TPTE2: variants seen among roughly 807,000 people sequenced by gnomAD.
TPTE2 encodes the protein transmembrane phosphoinositide 3-phosphatase and tensin homolog 2.
Under a neutral mutation model 78.6 loss-of-function variants are expected in TPTE2, and 53 were observed. That is an observed-to-expected ratio of 0.67 (90% CI 0.54 to 0.85). The LOEUF is 0.85. TPTE2 is among the 40% of genes least tolerant of loss of function. The probability of loss-of-function intolerance (pLI) is 0.00; values close to 1 mark genes in which losing one functional copy is unlikely to be tolerated. For synonymous variants in TPTE2, 175 were observed against 206.2 expected (o/e 0.85, Z 1.30); for missense variants, 461 against 623.0 (o/e 0.74, Z 2.77).
At chr13:19,549,629 C>T in the TPTE2 span, among the ~76,000 whole-genome samples, 18,694 of 89,202 alleles carry the variant, frequency 0.21, 3,688 homozygotes, top group Middle Eastern at 0.34. Flanking sequence ...GACTACCATT[C>T]GACCCAGCAA....
At chr13:19,543,603 C>G in the TPTE2 span, among the ~76,000 whole-genome samples, 78 of 143,984 alleles carry the variant, frequency 5.4e-4, no homozygotes, top group Middle Eastern at 4.0e-3. Flanking sequence ...TGATCCACCC[C>G]CCTCAGCCTC....
intron 14 of TPTE2, among the ~76,000 whole-genome samples, chr13:19,437,509 T>G (rs1413452135): frequency 5.9e-5 from 9 of 152,318 alleles, no homozygotes; most frequent in African/African-American, 1.9e-4. Context: ...TTTTCAGTTG[T>G]GAAATGTTGC....
intron 18 of TPTE2, among the ~76,000 whole-genome samples, chr13:19,425,336 T>C (rs1228128229): frequency 6.6e-6 from 1 of 152,234 alleles, no homozygotes; most frequent in African/African-American, 2.4e-5. Flanking sequence ...CCTATGCCTA[T>C]ATATACCCAA....
intron 1 of TPTE2, among the ~76,000 whole-genome samples, chr13:19,512,696 A>G (rs974406902): frequency 6.6e-6 from 1 of 151,944 alleles, no homozygotes; most frequent in Non-Finnish European, 1.5e-5. Flanking sequence ...CTTCTGCCTC[A>G]GCCTCCCGAG....
upstream of TPTE2, chr13:19,505,663 T>C (rs1332514212): frequency 2.0e-5 from 3 of 152,022 alleles, no homozygotes; most frequent in Non-Finnish European, 4.4e-5. Context: ...CCTCACATGG[T>C]GGTAGAACTC....
At chr13:19,439,885 T>A (rs1450326023) in intron 13 of TPTE2, among the ~76,000 whole-genome samples, 1 of 152,200 alleles carries the variant, frequency 6.6e-6, no homozygotes, top group Admixed American at 6.5e-5. Context: ...TCTTTTGAAC[T>A]AATCCAGTCA....
chr13:19,503,898 G>A (rs1295211747), upstream of TPTE2, among the ~76,000 whole-genome samples: 2 of 152,014 alleles, frequency 1.3e-5, no homozygotes, highest in African/African-American at 2.4e-5. Flanking sequence ...CCGCCACCAC[G>A]CCCGGCTAAT....
chr13:19,428,626 A>T (rs1409588808), intron 17 of TPTE2, among the ~76,000 whole-genome samples: 2 of 151,810 alleles, frequency 1.3e-5, no homozygotes, highest in African/African-American at 2.4e-5. Context: ...TACAAAAAAT[A>T]AAAAAAATTA....
Position 19,425,681 on chromosome 13 carries a change from G to A in TPTE2, c.1396-664C>T, listed in dbSNP as rs535043100. On this transcript the variant is annotated intron_variant, in intron 18 of 19. Transcript: ENST00000400230. Reference sequence around the variant, plus strand: ...TTAAACCAAATTAGACTTCCCCTCAGGAAACCTGCTCAGGTAGCACCTTAC... The same window carrying A: ...TTAAACCAAATTAGACTTCCCCTCAAGAAACCTGCTCAGGTAGCACCTTAC... The A allele has an allele frequency of 9.8e-6, 5 of 511,120 alleles. No individual in the cohort carries two copies. The East Asian group carries it at 2.2e-4, about 22-fold the overall frequency. 31.7% of individuals were successfully genotyped at this position (511,120 alleles called of 1,614,324 possible).
the TPTE2 span, among the ~76,000 whole-genome samples, chr13:19,545,892 C>T: frequency 2.0e-5 from 3 of 152,104 alleles, no homozygotes; most frequent in Admixed American, 2.0e-4. Context: ...AAAATCTGTC[C>T]ATGGGCAGGG....
intron 1 of TPTE2, among the ~76,000 whole-genome samples, chr13:19,518,173 G>A (rs1209799993): frequency 6.6e-6 from 1 of 152,190 alleles, no homozygotes; most frequent in Non-Finnish European, 1.5e-5. Context: ...AGGATTGTGA[G>A]AAAACAAATA....
At chr13:19,477,298 A>T (rs1213036985) in intron 4 of TPTE2, among the ~76,000 whole-genome samples, 1 of 149,082 alleles carries the variant, frequency 6.7e-6, no homozygotes, top group Admixed American at 6.7e-5. Context: ...TAATATGTTA[A>T]AAAAAAAAAA....
Position 19,425,314 on chromosome 13 carries a change from T to C in TPTE2, c.1396-297A>G, listed in dbSNP as rs866663632. Among the ~76,000 whole-genome samples the C allele has an allele frequency of 2.1e-4, 32 of 152,370 alleles. 1 individual carries two copies. The highest frequency in any genetic ancestry group is 7.5e-4 in the African/African-American group (31 of 41,584). ...TCTGGTTTAGATAGTGCCAAACAGA[T>C]GCTACTAAGGACCTATGCCTATATA... On this transcript the variant is annotated intron_variant, in intron 18 of 19. Transcript: ENST00000400230.
the TPTE2 span, among the ~76,000 whole-genome samples, chr13:19,543,754 G>T: frequency 6.6e-6 from 1 of 151,920 alleles, no homozygotes; most frequent in Non-Finnish European, 1.5e-5. Flanking sequence ...TGTGAAAAAC[G>T]TTCAGGCAGC....
At chr13:19,438,014 T>C (rs1431977058) in intron 14 of TPTE2, 78 bp downstream of exon 17, 1 of 1,567,146 alleles carries the variant, frequency 6.4e-7, no homozygotes, top group Non-Finnish European at 8.6e-7. Context: ...AATAATCATC[T>C]TAACGTCCTA....
intron 1 of TPTE2, among the ~76,000 whole-genome samples, chr13:19,494,944 A>C (rs1221411697): frequency 6.6e-6 from 1 of 152,216 alleles, no homozygotes; most frequent in East Asian, 1.9e-4. Context: ...TTGTCTTTTT[A>C]TTAGAAATGA....
intron 17 of TPTE2, among the ~76,000 whole-genome samples, chr13:19,427,079 C>CTTTTTTTTTTTTT (rs55904352): frequency 3.0e-4 from 20 of 67,292 alleles, no homozygotes; most frequent in East Asian, 4.3e-4. Flanking sequence ...CTTTTCTTTT[C>CTTTTTTTTTTTTT]TTTTTTTTTT....
the TPTE2 span, among the ~76,000 whole-genome samples, chr13:19,544,601 A>T: frequency 6.6e-6 from 1 of 152,242 alleles, no homozygotes; most frequent in African/African-American, 2.4e-5. Context: ...TCATATTAAA[A>T]GATAAGCAGC....
intron 5 of TPTE2, among the ~76,000 whole-genome samples, chr13:19,475,199 A>G (rs973212496): frequency 3.3e-5 from 5 of 151,910 alleles, no homozygotes; most frequent in Admixed American, 2.0e-4. Flanking sequence ...ATATGTATGT[A>G]TAGATGCATA....
Sources: allele counts gnomAD v4.1 joint callset (sites outside exome capture counted in the v4.1 genomes callset), GRCh38; gene constraint gnomAD v4.1.1; transcripts MANE v1.5; gene names NCBI Gene and HGNC (gene_info 2026-07-23, HGNC 2026-07-21).